Variants in ATP2A2 observed in about 807,000 individuals in gnomAD.
ATP2A2 encodes sarcoplasmic/endoplasmic reticulum calcium ATPase 2.
A neutral mutation model predicts 109.3 loss-of-function variants in ATP2A2; 14 were observed. The ratio of observed to expected loss-of-function variants is 0.13; its 90% CI spans 0.08 to 0.20. The LOEUF (loss-of-function observed/expected upper bound fraction) is 0.20. ATP2A2 is among the 10% of genes least tolerant of loss of function. ATP2A2 has a pLI of 1.00. For synonymous variants in ATP2A2, 506 were observed against 490.9 expected, an observed-to-expected ratio of 1.03 and a Z score of -0.41; for missense variants, 657 against 1,321.6, an observed-to-expected ratio of 0.50 and a Z score of 7.80.
chr12:110,284,904 GGGTT>G lies in ATP2A2; in HGVS notation c.219+2112_219+2115del, dbSNP rs558226735. The stretch of plus-strand genomic sequence containing the variant: ...CTGTTGTGTTGATTTTCTTCATGTG[GGGTT>G]GGGTACTGCTGCTGCATTGTCTTTA... On this transcript the variant is annotated intron_variant, in intron 3 of 19. Coordinates refer to ENST00000539276, the MANE Select transcript of ATP2A2 (RefSeq NM_170665.4). Among the ~76,000 whole-genome samples the G allele has an allele frequency of 9.9e-5, 15 of 152,220 alleles. No individual in the cohort carries two copies. The South Asian group carries it at 3.1e-3, about 32-fold the overall frequency.
At position 110,348,644 on chromosome 12, in the gene ATP2A2, A is replaced by G. The variant is rs182648371; in HGVS notation, c.*2174A>G. ...CTCAGCCCTTTGGAGGCCACAGCAG[A>G]AGGATTGCTTGAGCCCAGGTACTCA... On this transcript the variant is annotated 3_prime_UTR_variant, in exon 20 of 20. Transcript: ENST00000539276. 2 of 985,298 alleles carry G rather than the reference A, an allele frequency of 2.0e-6. No individual in the cohort carries two copies. The highest frequency in any genetic ancestry group is 3.5e-5 in the African/African-American group (2 of 57,194). 61.0% of individuals were successfully genotyped at this position (985,298 alleles called of 1,614,324 possible).
intron 3 of ATP2A2, among the ~76,000 whole-genome samples, chr12:110,289,922 G>T (rs947141973): frequency 2.0e-5 from 3 of 152,128 alleles, no homozygotes; most frequent in Admixed American, 6.6e-5. Context: ...ATAGTTGTTG[G>T]ATTGGGAAGT....
intron 5 of ATP2A2, among the ~76,000 whole-genome samples, chr12:110,304,695 A>G (rs1418090387): frequency 6.6e-6 from 1 of 152,126 alleles, no homozygotes; most frequent in Non-Finnish European, 1.5e-5. Flanking sequence ...TCCCCATTCT[A>G]TAGGGATTCC....
At chr12:110,311,377 C>G (rs1484172818) in intron 5 of ATP2A2, among the ~76,000 whole-genome samples, 1 of 152,008 alleles carries the variant, frequency 6.6e-6, no homozygotes, top group Non-Finnish European at 1.5e-5. Context: ...ATCACAAGAT[C>G]AGGAGTTCAA....
rs1872112036 is a variant in ATP2A2 at position 110,281,774 on chromosome 12, C to T, written c.-16C>T. ...CCGCGGGGACGGGAGGCGAGGCCGG[C>T]CGGGCCCCCGAAGCCATGGAGAACG... On this transcript the variant is annotated 5_prime_UTR_variant, in exon 1 of 20. Coordinates refer to ENST00000539276, the MANE Select transcript of ATP2A2 (RefSeq NM_170665.4). The T allele has an allele frequency of 1.3e-6, 2 of 1,483,086 alleles. No individual in the cohort carries two copies. Among genetic ancestry groups the T allele is most frequent in the African/African-American group, 1.5e-5 (1 of 68,652 alleles). The allele number at this position is 1,483,086 out of a possible 1,614,324, so 91.9% of individuals were successfully genotyped here. A position where few individuals can be genotyped will look rare whatever the true frequency, so the allele number is the denominator to read the frequency against.
chr12:110,293,868 ATATT>A (rs1873652808), intron 4 of ATP2A2, among the ~76,000 whole-genome samples: 3 of 83,130 alleles, frequency 3.6e-5, no homozygotes, highest in South Asian at 3.5e-4. Flanking sequence ...GTGTGTGTAT[ATATT>A]TTTTTTTTTT....
At chr12:110,307,528 C>T (rs1875499232) in intron 5 of ATP2A2, among the ~76,000 whole-genome samples, 1 of 152,196 alleles carries the variant, frequency 6.6e-6, no homozygotes, top group South Asian at 2.1e-4. Context: ...GCCACCGTGC[C>T]CAGCAATAAT....
In ATP2A2 at chr12:110,327,458, G is replaced by A; in HGVS notation, c.631-95G>A. 1 of 1,127,318 alleles carries A rather than the reference G, an allele frequency of 8.9e-7. No individual in the cohort carries two copies. The highest frequency in any genetic ancestry group is 1.2e-5 in the South Asian group (1 of 80,682). The allele number at this position is 1,127,318 out of a possible 1,614,324, so 69.8% of individuals were successfully genotyped here. ...GCCAGTGGAAGACCTAGTAGAATGT[G>A]TAGAGAATCTGGGTGCCCTAGTCAA... On this transcript the variant is annotated intron_variant, in intron 7 of 19. Coordinates refer to ENST00000539276, the MANE Select transcript of ATP2A2 (RefSeq NM_170665.4). This position sits in a 1 kb window ranked among gnomAD's most constrained non-coding sequence, Gnocchi z 4.4.
chr12:110,316,656 T>A (rs1251710968), intron 5 of ATP2A2, among the ~76,000 whole-genome samples: 1 of 152,136 alleles, frequency 6.6e-6, no homozygotes, highest in African/African-American at 2.4e-5. Context: ...GCTTTTGGTT[T>A]TAGTGGGGAA....
intron 5 of ATP2A2, among the ~76,000 whole-genome samples, chr12:110,317,658 G>A (rs540322798): frequency 5.3e-5 from 8 of 152,310 alleles, no homozygotes; most frequent in African/African-American, 1.9e-4. Context: ...GATTACAGGT[G>A]TGAGCCACCA....
chr12:110,293,166 C>T (rs1343018287), intron 4 of ATP2A2, among the ~76,000 whole-genome samples: 6 of 151,688 alleles, frequency 4.0e-5, no homozygotes, highest in Admixed American at 6.6e-5. Context: ...CAACCTCCGC[C>T]TCCCAGGTTC....
chr12:110,348,216 A>G lies in ATP2A2; in HGVS notation c.*1746A>G. 1 of 985,228 alleles carries G rather than the reference A, an allele frequency of 1.0e-6. No homozygotes were observed. The highest frequency in any genetic ancestry group is 1.2e-6 in the Non-Finnish European group (1 of 829,914). The allele number at this position is 985,228 out of a possible 1,614,324, so 61.0% of individuals were successfully genotyped here. On this transcript the variant is annotated 3_prime_UTR_variant, in exon 20 of 20. Coordinates refer to ENST00000539276, the MANE Select transcript of ATP2A2 (RefSeq NM_170665.4). ...TGAAAGCAAGTAACTGAACCAGTGAACTCTGGGTATCGATAGGTTCGTCTT... is the reference window on the plus strand; with the variant it reads ...TGAAAGCAAGTAACTGAACCAGTGAGCTCTGGGTATCGATAGGTTCGTCTT...
At chr12:110,343,125 G>GT in intron 15 of ATP2A2, 107 bp from the exon 16 acceptor site, 1 of 1,145,016 alleles carries the variant, frequency 8.7e-7, no homozygotes, top group Non-Finnish European at 1.3e-6. Context: ...ATTACCTGAA[G>GT]TTGTTGTCAT....
intron 5 of ATP2A2, among the ~76,000 whole-genome samples, chr12:110,312,009 TAAAA>T (rs1254724230): frequency 1.3e-5 from 2 of 151,906 alleles, no homozygotes; most frequent in Admixed American, 6.6e-5. Flanking sequence ...ACCCCGTCTC[TAAAA>T]AAATAAAAAA....
At chr12:110,325,845 C>G (rs970772827) in intron 6 of ATP2A2, 1 of 158,678 alleles carries the variant, frequency 6.3e-6, no homozygotes, top group Non-Finnish European at 1.4e-5. Context: ...AAAATTAACC[C>G]GGCGTGGTAT....
Position 110,348,837 on chromosome 12 carries a change from G to A in ATP2A2, c.*2367G>A, listed in dbSNP as rs1025439290. 1 of 985,336 alleles carries A rather than the reference G, an allele frequency of 1.0e-6. No homozygotes were observed. Among genetic ancestry groups the A allele is most frequent in the Admixed American group, 6.1e-5 (1 of 16,262 alleles). The allele number at this position is 985,336 out of a possible 1,614,324, so 61.0% of individuals were successfully genotyped here. A position where few individuals can be genotyped will look rare whatever the true frequency, so the allele number is the denominator to read the frequency against. The stretch of plus-strand genomic sequence containing the variant: ...ATTTTGCCAGTTTGAGCATCATGAG[G>A]TGTAACAAGAAATGGGTTGAATGGG... On this transcript the variant is annotated 3_prime_UTR_variant, in exon 20 of 20. Coordinates refer to ENST00000539276, the MANE Select transcript of ATP2A2 (RefSeq NM_170665.4).
At chr12:110,281,932 G>C (rs1374776303) in intron 1 of ATP2A2, 25 bp downstream of exon 1, 1 of 1,542,486 alleles carries the variant, frequency 6.5e-7, no homozygotes, top group South Asian at 1.2e-5. Flanking sequence ...CTCCGCTGCA[G>C]GGGCCCGGCG....
intron 5 of ATP2A2, among the ~76,000 whole-genome samples, chr12:110,312,114 G>A (rs888559100): frequency 1.3e-5 from 2 of 152,086 alleles, no homozygotes; most frequent in African/African-American, 2.4e-5. Flanking sequence ...GGGAGGTCAG[G>A]GCTGCAGTGA....
At chr12:110,337,771 G>A (rs948387074) in intron 11 of ATP2A2, among the ~76,000 whole-genome samples, 3 of 152,140 alleles carry the variant, frequency 2.0e-5, no homozygotes, top group African/African-American at 4.8e-5. Flanking sequence ...ATGATGAAAC[G>A]CATCTTATCA....
Sources: gnomAD v4.1 joint callset for allele counts (sites outside exome capture counted in the v4.1 genomes callset) on GRCh38, gnomAD v4.1.1 for gene constraint, Gnocchi (gnomAD v3.1) non-coding constraint, MANE v1.5 for transcripts, NCBI Gene and HGNC (gene_info 2026-07-23, HGNC 2026-07-21) for gene names.